Variants in ZPBP observed in about 807,000 individuals in gnomAD.
The protein encoded by ZPBP is zona pellucida binding protein, also known as zona pellucida-binding protein 1.
ZPBP carries 26 observed loss-of-function variants against 44.8 expected under a neutral mutation model. The ratio of observed to expected loss-of-function variants is 0.58; its 90% CI spans 0.43 to 0.81. ZPBP has a LOEUF of 0.81. ZPBP is among the 30% of genes least tolerant of loss of function. ZPBP has a pLI of 0.00. For missense variants in ZPBP, 409 were observed against 434.0 expected, an observed-to-expected ratio of 0.94 and a Z score of 0.51; for synonymous variants, 174 against 153.2, an observed-to-expected ratio of 1.14 and a Z score of -1.00.
At chr7:49,885,337 C>A (rs1240043686) in intron 2 of ZPBP, among the ~76,000 whole-genome samples, 1 of 151,868 alleles carries the variant, frequency 6.6e-6, no homozygotes, top group African/African-American at 2.4e-5. Context: ...TAAACCACAA[C>A]CTAATTTTTA....
chr7:50,007,317 C>G (rs1245524483), intron 6 of ZPBP, among the ~76,000 whole-genome samples: 1 of 151,952 alleles, frequency 6.6e-6, no homozygotes, highest in Non-Finnish European at 1.5e-5. Context: ...TAGAAACATA[C>G]AACCTACAAA....
At chr7:50,077,361 C>A (rs1197103070) in intron 3 of ZPBP, among the ~76,000 whole-genome samples, 1 of 151,548 alleles carries the variant, frequency 6.6e-6, no homozygotes, top group Non-Finnish European at 1.5e-5. Context: ...CAATAACCCA[C>A]AAGCACAGGC....
intron 2 of ZPBP, among the ~76,000 whole-genome samples, chr7:49,872,325 T>C (rs1410662257): frequency 6.6e-6 from 1 of 152,122 alleles, no homozygotes; most frequent in Non-Finnish European, 1.5e-5. Context: ...ATTTAATGTG[T>C]CCACCAAGTG....
At chr7:49,877,032 C>T (rs777094693) in intron 2 of ZPBP, among the ~76,000 whole-genome samples, 11 of 152,068 alleles carry the variant, frequency 7.2e-5, no homozygotes, top group Non-Finnish European at 1.0e-4. Context: ...TCTACTTGAC[C>T]GTCAGTCTCC....
intron 2 of ZPBP, among the ~76,000 whole-genome samples, chr7:49,868,387 A>C (rs1271286141): frequency 6.6e-6 from 1 of 152,216 alleles, no homozygotes; most frequent in Non-Finnish European, 1.5e-5. Context: ...TAAATCAGTG[A>C]TGATACATTT....
chr7:49,883,969 G>C (rs1418335499), intron 2 of ZPBP, among the ~76,000 whole-genome samples: 1 of 152,264 alleles, frequency 6.6e-6, no homozygotes, highest in Admixed American at 6.5e-5. Flanking sequence ...TGTGATGGTG[G>C]AGAAAGCATT....
intron 7 of ZPBP, among the ~76,000 whole-genome samples, chr7:49,963,744 G>A (rs888265891): frequency 1.4e-4 from 22 of 151,774 alleles, no homozygotes; most frequent in African/African-American, 5.3e-4. Flanking sequence ...TAGAAATACT[G>A]TCTCACAAAG....
At chr7:49,915,846 A>C (rs952397508) in intron 1 of ZPBP, 2 of 152,218 alleles carry the variant, frequency 1.3e-5, no homozygotes, top group African/African-American at 4.8e-5. Flanking sequence ...ACAAATAAGC[A>C]TCATTGGTAA....
chr7:49,945,769 G>A (rs1226508496), intron 7 of ZPBP, among the ~76,000 whole-genome samples: 2 of 151,816 alleles, frequency 1.3e-5, no homozygotes, highest in Non-Finnish European at 2.9e-5. Context: ...CAGATTGTTG[G>A]GTCTTGTGTT....
chr7:49,846,195 C>A (rs1057253293), downstream of ZPBP, among the ~76,000 whole-genome samples: 1 of 152,214 alleles, frequency 6.6e-6, no homozygotes, highest in African/African-American at 2.4e-5. Flanking sequence ...TTTCCAATAC[C>A]TTTCCATCAC....
intron 6 of ZPBP, among the ~76,000 whole-genome samples, chr7:49,987,670 C>T (rs1478640929): frequency 1.3e-5 from 2 of 151,682 alleles, no homozygotes; most frequent in Admixed American, 1.3e-4. Flanking sequence ...AGGAGACTGG[C>T]AAACAGTCTA....
intron 2 of ZPBP, among the ~76,000 whole-genome samples, chr7:49,893,378 G>C (rs1213990504): frequency 6.6e-6 from 1 of 152,162 alleles, no homozygotes; most frequent in African/African-American, 2.4e-5. Flanking sequence ...AATTTGGCAG[G>C]ATAGTTTTCA....
At chr7:49,951,845 A>G (rs907281145) in intron 7 of ZPBP, among the ~76,000 whole-genome samples, 1 of 151,824 alleles carries the variant, frequency 6.6e-6, no homozygotes, top group Non-Finnish European at 1.5e-5. Context: ...GTCCATGGAT[A>G]AACAAATTGT....
chr7:49,876,111 A>C (rs1791405744), intron 2 of ZPBP, among the ~76,000 whole-genome samples: 1 of 152,178 alleles, frequency 6.6e-6, no homozygotes, highest in African/African-American at 2.4e-5. Flanking sequence ...CTAATCCTAA[A>C]GAAAGGATCC....
At chr7:50,061,975 C>T (rs192943648) in intron 3 of ZPBP, among the ~76,000 whole-genome samples, 1 of 152,300 alleles carries the variant, frequency 6.6e-6, no homozygotes, top group African/African-American at 2.4e-5. Flanking sequence ...CTTCAGCAAA[C>T]TTCCAAGATA....
chr7:49,925,347 T>C (rs1794195676), intron 1 of ZPBP, among the ~76,000 whole-genome samples: 1 of 152,206 alleles, frequency 6.6e-6, no homozygotes, highest in African/African-American at 2.4e-5. Flanking sequence ...GGATGATTGG[T>C]GTCCCTGGGG....
At chr7:49,967,443 T>C (rs1179330765) in intron 7 of ZPBP, among the ~76,000 whole-genome samples, 1 of 152,178 alleles carries the variant, frequency 6.6e-6, no homozygotes, top group Non-Finnish European at 1.5e-5. Context: ...AAGACTGACA[T>C]GACCTAGATA....
At chr7:49,873,760 T>C (rs1225492085) in intron 2 of ZPBP, among the ~76,000 whole-genome samples, 1 of 152,102 alleles carries the variant, frequency 6.6e-6, no homozygotes, top group Non-Finnish European at 1.5e-5. Flanking sequence ...TTGTTATTAA[T>C]GACCAAAAAT....
intron 3 of ZPBP, among the ~76,000 whole-genome samples, chr7:50,080,571 T>TA (rs1226174445): frequency 6.6e-6 from 1 of 151,634 alleles, no homozygotes. Flanking sequence ...AAAATGACAA[T>TA]AAAAAATTCA....
Sources: gnomAD v4.1 joint callset for allele counts (sites outside exome capture counted in the v4.1 genomes callset) on GRCh38, gnomAD v4.1.1 for gene constraint, MANE v1.5 for transcripts, NCBI Gene and HGNC (gene_info 2026-07-23, HGNC 2026-07-21) for gene names.